The following ESRRG variants were observed in gnomAD, a reference collection of about 807,000 sequenced individuals.
ESRRG encodes the protein estrogen-related receptor gamma.
Under a neutral mutation model 44.0 loss-of-function variants are expected in ESRRG, and 13 were observed. The observed-to-expected ratio is 0.30, with a 90% CI of 0.19 to 0.47. The LOEUF (loss-of-function observed/expected upper bound fraction) is 0.47. ESRRG is among the 20% of genes least tolerant of loss of function. The pLI, the probability that ESRRG is intolerant of heterozygous loss-of-function variation, is 1.00. For synonymous variants in ESRRG, 215 were observed against 214.6 expected (o/e 1.00, Z -0.02); for missense variants, 395 against 580.6 (o/e 0.68, Z 3.29).
intron 2 of ESRRG, among the ~76,000 whole-genome samples, chr1:216,831,545 A>G (rs2095487761): frequency 6.6e-6 from 1 of 151,772 alleles, no homozygotes. Flanking sequence ...GGAGAGAAAG[A>G]GGGAGAGGAA....
rs1027304342 is a variant in ESRRG, at chr1:216,554,945, G to T, written c.862+9274C>A. On this transcript the variant is annotated intron_variant, in intron 5 of 6. Coordinates refer to ENST00000408911, the MANE Select transcript of ESRRG (RefSeq NM_001438.4). ...ACAGAGGTGATGCAACAGTCTATTA[G>T]ATCTCAATATCAAAAATATTCCCTG... Among the ~76,000 whole-genome samples the T allele has an allele frequency of 2.6e-5, 4 of 152,260 alleles. No homozygotes were observed. In the East Asian group the frequency reaches 7.7e-4, roughly 29 times the overall value.
At chr1:217,021,319 G>T (rs189699201) in intron 1 of ESRRG, among the ~76,000 whole-genome samples, 1 of 152,232 alleles carries the variant, frequency 6.6e-6, no homozygotes, top group East Asian at 1.9e-4. Context: ...GGGTTAATGG[G>T]ACAGAATGGA....
At chr1:216,624,564 A>C (rs2062839095) in intron 3 of ESRRG, among the ~76,000 whole-genome samples, 1 of 152,174 alleles carries the variant, frequency 6.6e-6, no homozygotes, top group Admixed American at 6.5e-5. Context: ...TGCCTTCAAT[A>C]CCACATGGAA....
chr1:217,087,519 T>C (rs2092149298), intron 1 of ESRRG, among the ~76,000 whole-genome samples: 1 of 152,308 alleles, frequency 6.6e-6, no homozygotes, highest in East Asian at 1.9e-4. Context: ...TGCTCTATTT[T>C]GTTAAAGCAA....
At chr1:217,089,929 G>A (rs1580542946), upstream of ESRRG, among the ~76,000 whole-genome samples, 1 of 152,210 alleles carries the variant, frequency 6.6e-6, no homozygotes, top group Non-Finnish European at 1.5e-5. Flanking sequence ...TGATAACTTG[G>A]CAGAAGAAGA....
intron 5 of ESRRG, among the ~76,000 whole-genome samples, chr1:216,537,115 G>A (rs1386559178): frequency 1.3e-5 from 2 of 152,048 alleles, no homozygotes; most frequent in African/African-American, 2.4e-5. Flanking sequence ...AAATCCTATC[G>A]CCAAAGGTAT....
intron 2 of ESRRG, among the ~76,000 whole-genome samples, chr1:216,923,934 G>A (rs2062172361): frequency 6.6e-6 from 1 of 152,098 alleles, no homozygotes; most frequent in Non-Finnish European, 1.5e-5. Context: ...TGTATCAAAA[G>A]GTCTACTCAA....
intron 1 of ESRRG, among the ~76,000 whole-genome samples, chr1:216,682,784 C>G (rs2077253007): frequency 6.7e-6 from 1 of 148,984 alleles, no homozygotes; most frequent in Admixed American, 6.8e-5. Context: ...TGTTGCAGCT[C>G]CCGGAGGTAC....
At chr1:217,027,150 T>A (rs1258143252) in intron 1 of ESRRG, among the ~76,000 whole-genome samples, 1 of 152,154 alleles carries the variant, frequency 6.6e-6, no homozygotes, top group Non-Finnish European at 1.5e-5. Context: ...ATGTTCCTTC[T>A]GTTCCCCAAA....
chr1:217,069,474 C>G (rs1042949758), intron 1 of ESRRG, among the ~76,000 whole-genome samples: 1 of 150,478 alleles, frequency 6.6e-6, no homozygotes, highest in Admixed American at 6.6e-5. Flanking sequence ...TAGTTCTGTC[C>G]CTCTAGAGAA....
chr1:216,862,782 C>A (rs1461602434), intron 2 of ESRRG: 1 of 151,962 alleles, frequency 6.6e-6, no homozygotes, highest in African/African-American at 2.4e-5. Context: ...TATAAGGTAG[C>A]AAAAGAAAAC....
At chr1:216,797,748 C>A (rs950954695) in intron 2 of ESRRG, among the ~76,000 whole-genome samples, 6 of 152,072 alleles carry the variant, frequency 3.9e-5, no homozygotes, top group African/African-American at 1.4e-4. Flanking sequence ...GTGTATACTA[C>A]CAACATGACT....
intron 1 of ESRRG, among the ~76,000 whole-genome samples, chr1:216,691,123 T>C (rs910484906): frequency 6.6e-6 from 1 of 152,150 alleles, no homozygotes; most frequent in Non-Finnish European, 1.5e-5. Context: ...CCAGTCAAGG[T>C]AGGCTTAAAC....
chr1:216,820,545 G>A (rs1387375089), intron 2 of ESRRG, among the ~76,000 whole-genome samples: 2 of 151,968 alleles, frequency 1.3e-5, no homozygotes, highest in African/African-American at 2.4e-5. Flanking sequence ...ATGCCAGTAA[G>A]CCTTTCGACT....
intron 1 of ESRRG, among the ~76,000 whole-genome samples, chr1:217,053,270 C>T (rs2086426646): frequency 6.6e-6 from 1 of 151,690 alleles, no homozygotes; most frequent in Non-Finnish European, 1.5e-5. Flanking sequence ...GCCTGGCCAA[C>T]ATGGTGAAAC....
At chr1:216,951,603 A>G (rs1480832453) in intron 1 of ESRRG, among the ~76,000 whole-genome samples, 1 of 152,088 alleles carries the variant, frequency 6.6e-6, no homozygotes, top group African/African-American at 2.4e-5. Flanking sequence ...ACTTTCCAGT[A>G]GAAATGAAAA....
chr1:216,589,903 CAAAAAAAA>C (rs58458686), intron 3 of ESRRG, among the ~76,000 whole-genome samples: 1 of 32,240 alleles, frequency 3.1e-5, no homozygotes, highest in African/African-American at 1.4e-4. Flanking sequence ...AACTCTGTCT[CAAAAAAAA>C]AAAAAAAAAA....
chr1:217,029,719 G>A (rs991779825), intron 1 of ESRRG, among the ~76,000 whole-genome samples: 5 of 151,974 alleles, frequency 3.3e-5, no homozygotes, highest in African/African-American at 1.2e-4. Context: ...TATTCTAGGG[G>A]ATATTTTCCC....
At chr1:217,001,743 G>A (rs1271928480) in intron 1 of ESRRG, among the ~76,000 whole-genome samples, 2 of 152,128 alleles carry the variant, frequency 1.3e-5, no homozygotes, top group Admixed American at 6.6e-5. Context: ...GGAGGTAGGG[G>A]CCGGTTCACA....
Sources: gnomAD v4.1 joint callset for allele counts (sites outside exome capture counted in the v4.1 genomes callset) on GRCh38, gnomAD v4.1.1 for gene constraint, MANE v1.5 for transcripts, NCBI Gene and HGNC (gene_info 2026-07-23, HGNC 2026-07-21) for gene names.